SAXO2: variants seen among roughly 807,000 people sequenced by gnomAD.
SAXO2 encodes the protein family with sequence similarity 154, member B.
SAXO2 carries 17 observed loss-of-function variants against 18.7 expected under a neutral mutation model. The ratio of observed to expected loss-of-function variants is 0.91; its 90% CI spans 0.62 to 1.36. SAXO2 has a LOEUF of 1.36. Among genes scored for constraint, SAXO2 ranks in the 40% most tolerant of loss-of-function variants. SAXO2 has a pLI of 0.00. For missense variants in SAXO2, 486 were observed against 562.6 expected (o/e 0.86, Z 1.38); for synonymous variants, 163 against 181.2 (o/e 0.90, Z 0.81).
rs756612983 is a variant in SAXO2, at chr15:82,282,904, T to A, written c.1219T>A (p.Phe407Ile). 12 of 1,613,996 alleles carry A rather than the reference T, an allele frequency of 7.4e-6. No homozygotes were observed. The East Asian group carries it at 2.7e-4, about 36-fold the overall frequency. ...LNIAFKSSVP[F>I]DDVTMYSVEY... is the part of the protein sequence containing the mutation. ...TATTGCTTTTAAGAGTTCTGTTCCA[T>A]TTGATGATGTAACCATGTACTCTGT... is the stretch of plus-strand genomic sequence containing the variant. Residue 407 changes from phenylalanine (F) to isoleucine (I), a missense_variant, in exon 4 of 4, where the codon TTT becomes ATT. Physicochemically the swap from Phe to Ile is conservative, Grantham distance 21. Transcript: ENST00000682753.
At position 82,283,446 on chromosome 15, in the gene SAXO2, A is replaced by G. The variant is rs975589953; in HGVS notation, c.*384A>G. 6.4e-6 allele frequency: 1 copy of G among 155,812 alleles called. No homozygotes were observed. Among genetic ancestry groups the G allele is most frequent in the Non-Finnish European group, 1.4e-5 (1 of 70,522 alleles). 9.7% of individuals were successfully genotyped at this position (155,812 alleles called of 1,614,324 possible). A position where few individuals can be genotyped will look rare whatever the true frequency, so the allele number is the denominator to read the frequency against. The stretch of plus-strand genomic sequence containing the variant: ...GCACATCAGGATTATCTAGAACAAC[A>G]TTGAAAATGATACATGGATTCCTCT... On this transcript the variant is annotated 3_prime_UTR_variant, in exon 4 of 4. Coordinates refer to ENST00000682753, the MANE Select transcript of SAXO2 (RefSeq NM_001348699.2).
Position 82,271,592 on chromosome 15 carries a change from A to G in SAXO2, c.234-11A>G, listed in dbSNP as rs781498404. 6.3e-7 allele frequency: 1 copy of G among 1,588,840 alleles called. No individual in the cohort carries two copies. The highest frequency in any genetic ancestry group is 8.6e-7 in the Non-Finnish European group (1 of 1,169,512). Reference sequence around the variant, plus strand: ...ACTTGTGAGGCTATGTTTCAAATTTATATATTTCAGGTCGGATTATTGTCC... The same window carrying G: ...ACTTGTGAGGCTATGTTTCAAATTTGTATATTTCAGGTCGGATTATTGTCC... On this transcript the variant is annotated splice_polypyrimidine_tract_variant and intron_variant, in intron 2 of 3. Coordinates refer to ENST00000682753, the MANE Select transcript of SAXO2 (RefSeq NM_001348699.2).
chr15:82,272,281 A>G (rs1291043258), intron 3 of SAXO2, among the ~76,000 whole-genome samples: 2 of 152,250 alleles, frequency 1.3e-5, no homozygotes, highest in African/African-American at 4.8e-5. Flanking sequence ...TACTGCTTTT[A>G]CACTGATAAA....
rs181227398 is a variant in SAXO2 at position 82,271,244 on chromosome 15, T to C, written c.234-359T>C. Among the ~76,000 whole-genome samples, 181 of 152,340 alleles carry C rather than the reference T, an allele frequency of 1.2e-3. 2 individuals carry two copies. The highest frequency in any genetic ancestry group is 3.4e-3 in the Middle Eastern group (1 of 294). ...AAGTGGACTCAGGGGTAATATATTTTTTAAACTTTTCAGGTTTAGTAAATT... is the reference window on the plus strand; with the variant it reads ...AAGTGGACTCAGGGGTAATATATTTCTTAAACTTTTCAGGTTTAGTAAATT... On this transcript the variant is annotated intron_variant, in intron 2 of 3. Transcript: ENST00000682753.
At chr15:82,270,552 G>T (rs1053932037) in intron 2 of SAXO2, among the ~76,000 whole-genome samples, 1 of 152,174 alleles carries the variant, frequency 6.6e-6, no homozygotes, top group Non-Finnish European at 1.5e-5. Context: ...GTGAATAGAA[G>T]AATTCAGTGA....
rs181515259 is a variant in SAXO2, at chr15:82,279,047, G to T, written c.434-3072G>T. Among the ~76,000 whole-genome samples, 81 of 151,672 alleles carry T rather than the reference G, an allele frequency of 5.3e-4. 1 individual carries two copies. Among genetic ancestry groups the T allele is most frequent in the African/African-American group, 1.9e-3 (77 of 41,366 alleles). On this transcript the variant is annotated intron_variant, in intron 3 of 3. Transcript: ENST00000682753. Reference sequence around the variant, plus strand: ...AAGCAAAGCAGAAGGAAATAAATGAGGATAACAGCAGCAATCAATAAATTT... The same window carrying T: ...AAGCAAAGCAGAAGGAAATAAATGATGATAACAGCAGCAATCAATAAATTT...
rs1307928917 is a variant in SAXO2 at position 82,284,435 on chromosome 15, G to A, written c.*1373G>A. On this transcript the variant is annotated 3_prime_UTR_variant, in exon 4 of 4. Transcript: ENST00000682753. ...AGTATTATTTGCTAGGGTAGTTTTA[G>A]GAAGACTGACAGCTCTGAAGAAATC... The A allele has an allele frequency of 6.6e-6, 1 of 151,898 alleles. No individual in the cohort carries two copies. The highest frequency in any genetic ancestry group is 1.5e-5 in the Non-Finnish European group (1 of 67,958). 9.4% of individuals were successfully genotyped at this position (151,898 alleles called of 1,614,324 possible).
At chr15:82,277,839 C>T (rs1307731720) in intron 3 of SAXO2, among the ~76,000 whole-genome samples, 2 of 152,058 alleles carry the variant, frequency 1.3e-5, no homozygotes, top group East Asian at 3.9e-4. Flanking sequence ...TGAGCTACTG[C>T]GAGAGTATAG....
chr15:82,272,515 A>G (rs961030581), intron 3 of SAXO2, among the ~76,000 whole-genome samples: 3 of 152,146 alleles, frequency 2.0e-5, no homozygotes, highest in African/African-American at 7.2e-5. Context: ...TTTTCTTTCC[A>G]AAAACCTGTT....
Position 82,265,616 on chromosome 15 carries a change from G to A in SAXO2, c.101G>A (p.Gly34Glu), listed in dbSNP as rs746326903. The part of the protein sequence containing the change: ...RGTTRIYENS[G>E]VFCPTTEYLE... ...ACCACAAGGATTTATGAAAATTCTGGGGTGTTTTGCCCTACAACTGAATAT... is the reference window on the plus strand; with the variant it reads ...ACCACAAGGATTTATGAAAATTCTGAGGTGTTTTGCCCTACAACTGAATAT... Residue 34 changes from glycine (G) to glutamate (E), a missense_variant, in exon 2 of 4, where the codon GGG (glycine) becomes GAG (glutamate). By Grantham distance (98) the Gly-to-Glu change is moderately conservative (BLOSUM62 -2). Coordinates refer to ENST00000682753, the MANE Select transcript of SAXO2 (RefSeq NM_001348699.2). 1.4e-6 allele frequency: 2 copies of A among 1,435,358 alleles called. No homozygotes were observed. The highest frequency in any genetic ancestry group is 2.9e-5 in the South Asian group (2 of 68,672). 88.9% of individuals were successfully genotyped at this position (1,435,358 alleles called of 1,614,324 possible).
At chr15:82,275,474 AAG>A (rs998451088) in intron 3 of SAXO2, among the ~76,000 whole-genome samples, 3 of 151,946 alleles carry the variant, frequency 2.0e-5, no homozygotes, top group Non-Finnish European at 4.4e-5. Context: ...AAAACACAAA[AAG>A]AAAAAGAAAA....
At position 82,271,777 on chromosome 15, in the gene SAXO2, A is replaced by G. The variant is rs1477466309; in HGVS notation, c.408A>G (p.Lys136=). 6.2e-7 allele frequency: 1 copy of G among 1,614,092 alleles called. No homozygotes were observed. Among genetic ancestry groups the G allele is most frequent in the South Asian group, 1.1e-5 (1 of 91,070 alleles). The stretch of plus-strand genomic sequence containing the variant: ...TGGAGAGACAAGTTAAAAAAGGAAA[A>G]TTGGACACTGTCCCAACCTATAAAG... ...RPLERQVKKG[K]LDTVPTYKDD... The change falls in exon 3 of 4, where the codon AAA becomes AAG. Residue 136 remains lysine, a synonymous_variant. Coordinates refer to ENST00000682753, the MANE Select transcript of SAXO2 (RefSeq NM_001348699.2).
At chr15:82,274,689 G>A (rs1417328984) in intron 3 of SAXO2, among the ~76,000 whole-genome samples, 9 of 147,464 alleles carry the variant, frequency 6.1e-5, no homozygotes, top group Non-Finnish European at 8.9e-5. Flanking sequence ...GCAACAGTGC[G>A]TGACTCTGTC....
At chr15:82,277,842 GA>G (rs2141376336) in intron 3 of SAXO2, among the ~76,000 whole-genome samples, 1 of 152,282 alleles carries the variant, frequency 6.6e-6, no homozygotes, top group Admixed American at 6.5e-5. Context: ...GCTACTGCGA[GA>G]GTATAGAAGC....
chr15:82,282,314 G>C lies in SAXO2; in HGVS notation c.629G>C (p.Ser210Thr). Residue 210 changes from serine to threonine, a missense_variant, in exon 4 of 4, where the codon AGT (serine) becomes ACT (threonine). Transcript: ENST00000682753. ...ACAGCCCCTTTTAATGGTATTACAA[G>C]TCATCGCCTTGATTATATACCTCAT... is the stretch of plus-strand genomic sequence containing the variant. ...RSTAPFNGIT[S>T]HRLDYIPHQL... 1 of 1,614,190 alleles carries C rather than the reference G, an allele frequency of 6.2e-7. No homozygotes were observed. Among genetic ancestry groups the C allele is most frequent in the East Asian group, 2.2e-5 (1 of 44,888 alleles).
chr15:82,273,522 G>C (rs984789281), intron 3 of SAXO2, among the ~76,000 whole-genome samples: 1 of 152,126 alleles, frequency 6.6e-6, no homozygotes, highest in African/African-American at 2.4e-5. Flanking sequence ...CTACCTATTA[G>C]GGAGGTCAAG....
At chr15:82,273,594 G>A (rs1420393041) in intron 3 of SAXO2, among the ~76,000 whole-genome samples, 1 of 150,080 alleles carries the variant, frequency 6.7e-6, no homozygotes, top group African/African-American at 2.4e-5. Context: ...AGAACAAATT[G>A]TGAAGACTAT....
intron 2 of SAXO2, among the ~76,000 whole-genome samples, chr15:82,266,512 A>G (rs2075219966): frequency 6.6e-6 from 1 of 152,164 alleles, no homozygotes; most frequent in South Asian, 2.1e-4. Context: ...TTTTCACTGT[A>G]GTGTCCTTTT....
intron 2 of SAXO2, 83 bp downstream of exon 2, chr15:82,265,831 G>T: frequency 9.4e-7 from 1 of 1,067,514 alleles, no homozygotes; most frequent in Non-Finnish European, 1.3e-6. Flanking sequence ...TATTTAAATT[G>T]AACTGTTCAG....
Sources: allele counts gnomAD v4.1 joint callset (sites outside exome capture counted in the v4.1 genomes callset), GRCh38; gene constraint gnomAD v4.1.1; transcripts MANE v1.5; gene names NCBI Gene and HGNC (gene_info 2026-07-23, HGNC 2026-07-21).